Variants in ASTN1 observed in about 807,000 individuals in gnomAD.
The protein encoded by ASTN1 is astrotactin-1.
ASTN1 carries 41 observed loss-of-function variants against 140.7 expected under a neutral mutation model. The ratio of observed to expected loss-of-function variants is 0.29; its 90% CI spans 0.23 to 0.38. The LOEUF (loss-of-function observed/expected upper bound fraction) is 0.38. Among genes scored for constraint, ASTN1 ranks in the 10% least tolerant of loss-of-function variants. The probability of loss-of-function intolerance (pLI) is 1.00; values close to 1 mark genes in which losing one functional copy is unlikely to be tolerated. For missense variants in ASTN1, 1,479 were observed against 1,678.8 expected (o/e 0.88, Z 2.08); for synonymous variants, 640 against 652.2 (o/e 0.98, Z 0.29).
chr1:176,897,167 C>A (rs188115670), intron 16 of ASTN1, among the ~76,000 whole-genome samples: 1 of 146,784 alleles, frequency 6.8e-6, no homozygotes, highest in South Asian at 2.3e-4. Context: ...CCCAGCTACT[C>A]GGGAGGCTGA....
chr1:176,963,928 C>T (rs370768260), intron 9 of ASTN1, among the ~76,000 whole-genome samples: 6 of 152,172 alleles, frequency 3.9e-5, no homozygotes, highest in South Asian at 2.1e-4. Context: ...CTGTAGCCAA[C>T]GCCATTAGCT....
At chr1:177,153,911 A>G (rs1683140491) in intron 1 of ASTN1, among the ~76,000 whole-genome samples, 1 of 152,142 alleles carries the variant, frequency 6.6e-6, no homozygotes, top group Non-Finnish European at 1.5e-5. Flanking sequence ...CAAATATTAG[A>G]ACACTGTACA....
intron 12 of ASTN1, among the ~76,000 whole-genome samples, chr1:176,947,078 G>A (rs1434139997): frequency 7.9e-5 from 12 of 152,182 alleles, no homozygotes; most frequent in Non-Finnish European, 1.6e-4. Flanking sequence ...GTCTTATGTA[G>A]AGGAACAAGG....
At chr1:177,164,360 G>A (rs1160610065) in intron 1 of ASTN1, 34 bp downstream of exon 1, 2 of 1,530,242 alleles carry the variant, frequency 1.3e-6, no homozygotes, top group Admixed American at 4.1e-5. Flanking sequence ...CCGGTCCAGC[G>A]CCTCCGGCCG....
intron 16 of ASTN1, among the ~76,000 whole-genome samples, chr1:176,930,868 C>T (rs1370053070): frequency 2.6e-5 from 4 of 151,840 alleles, no homozygotes; most frequent in Non-Finnish European, 4.4e-5. Context: ...TAAAGAGGGG[C>T]GTGTGTTTAT....
intron 1 of ASTN1, among the ~76,000 whole-genome samples, chr1:177,150,369 T>C (rs1283925909): frequency 6.6e-6 from 1 of 152,108 alleles, no homozygotes; most frequent in Non-Finnish European, 1.5e-5. Context: ...GCATTCAGTC[T>C]GGGGGTAAAG....
At position 176,862,456 on chromosome 1, in the gene ASTN1, A is replaced by G; in HGVS notation, c.*1828T>C. The stretch of plus-strand genomic sequence containing the variant: ...CGCCCCTCCTCCTTCCACTGCACAG[A>G]GGACATGTCCATGCCACAGATGCTT... On this transcript the variant is annotated 3_prime_UTR_variant, in exon 23 of 23. Transcript: ENST00000361833. The G allele has an allele frequency of 1.0e-6, 1 of 985,438 alleles. No individual in the cohort carries two copies. Among genetic ancestry groups the G allele is most frequent in the South Asian group, 4.7e-5 (1 of 21,280 alleles). The allele number at this position is 985,438 out of a possible 1,614,324, so 61.0% of individuals were successfully genotyped here. A position where few individuals can be genotyped will look rare whatever the true frequency, so the allele number is the denominator to read the frequency against.
chr1:176,962,535 G>T (rs902446124), intron 9 of ASTN1, among the ~76,000 whole-genome samples: 1 of 151,878 alleles, frequency 6.6e-6, no homozygotes, highest in African/African-American at 2.4e-5. Context: ...ATTTCATTGG[G>T]GAAAAATAGG....
chr1:177,004,765 G>T (rs1177455062), intron 8 of ASTN1, among the ~76,000 whole-genome samples: 1 of 152,106 alleles, frequency 6.6e-6, no homozygotes, highest in Non-Finnish European at 1.5e-5. Flanking sequence ...GAGAAAGCTG[G>T]ATAGCCACAT....
At chr1:177,153,623 T>C (rs1683131668) in intron 1 of ASTN1, among the ~76,000 whole-genome samples, 1 of 152,134 alleles carries the variant, frequency 6.6e-6, no homozygotes, top group African/African-American at 2.4e-5. Context: ...AACTTTAAAG[T>C]GAAGAAGACC....
chr1:176,942,857 TA>T (rs1557978127), intron 14 of ASTN1, among the ~76,000 whole-genome samples: 23 of 98,686 alleles, frequency 2.3e-4, no homozygotes, highest in African/African-American at 5.8e-4. Flanking sequence ...TATATATATA[TA>T]TATATATAGA....
At chr1:177,063,595 G>A (rs2102038435) in intron 1 of ASTN1, among the ~76,000 whole-genome samples, 1 of 152,222 alleles carries the variant, frequency 6.6e-6, no homozygotes, top group East Asian at 1.9e-4. Flanking sequence ...TGCATGGTTG[G>A]AGCAGCAGTT....
At chr1:176,889,722 C>T (rs185552841) in intron 17 of ASTN1, among the ~76,000 whole-genome samples, 46 of 152,246 alleles carry the variant, frequency 3.0e-4, no homozygotes, top group South Asian at 2.7e-3. Context: ...ATTTACAAGG[C>T]CCTTTTTGAT....
rs1668051264 is a variant in ASTN1 at position 176,864,095 on chromosome 1, A to G, written c.*189T>C. On this transcript the variant is annotated 3_prime_UTR_variant, in exon 23 of 23. Transcript: ENST00000361833. The stretch of plus-strand genomic sequence containing the variant: ...AAGCCACTGGCTGGCAGATTTCCCA[A>G]TCATGCAGATGGAGAACATCATACT... 7.1e-7 allele frequency: 1 copy of G among 1,417,052 alleles called. No individual in the cohort carries two copies. The highest frequency in any genetic ancestry group is 9.2e-7 in the Non-Finnish European group (1 of 1,088,396). 87.8% of individuals were successfully genotyped at this position (1,417,052 alleles called of 1,614,324 possible). A position where few individuals can be genotyped will look rare whatever the true frequency, so the allele number is the denominator to read the frequency against.
chr1:176,945,855 G>A (rs1473971007), intron 13 of ASTN1, 71 bp downstream of exon 13: 7 of 1,428,402 alleles, frequency 4.9e-6, no homozygotes, highest in African/African-American at 1.4e-5. Context: ...AAAGCTTTAT[G>A]CTAGTGCAAA....
chr1:177,010,959 G>A (rs1675261652), intron 8 of ASTN1, among the ~76,000 whole-genome samples: 1 of 152,130 alleles, frequency 6.6e-6, no homozygotes, highest in African/African-American at 2.4e-5. Flanking sequence ...TGTAGTGAGA[G>A]TACACCTGGA....
intron 1 of ASTN1, among the ~76,000 whole-genome samples, chr1:177,076,050 C>A (rs1365534744): frequency 3.3e-5 from 5 of 151,792 alleles, no homozygotes; most frequent in African/African-American, 9.7e-5. Flanking sequence ...GAGGCTGAGG[C>A]GGGTGGATCA....
At chr1:176,988,316 G>GAAAAA (rs146856389) in intron 8 of ASTN1, among the ~76,000 whole-genome samples, 13 of 141,184 alleles carry the variant, frequency 9.2e-5, no homozygotes, top group Admixed American at 5.6e-4. Flanking sequence ...GGATATATTG[G>GAAAAA]GAAAAAAAAA....
chr1:176,956,013 G>A (rs368858081), intron 11 of ASTN1, among the ~76,000 whole-genome samples: 2 of 152,316 alleles, frequency 1.3e-5, no homozygotes, highest in South Asian at 4.1e-4. Flanking sequence ...AGCTCCATTA[G>A]ATAGTGAAAT....
Sources: allele counts gnomAD v4.1 joint callset (sites outside exome capture counted in the v4.1 genomes callset), GRCh38; gene constraint gnomAD v4.1.1; transcripts MANE v1.5; gene names NCBI Gene and HGNC (gene_info 2026-07-23, HGNC 2026-07-21).